The following KLHL13 variants were observed in gnomAD, a reference collection of about 807,000 sequenced individuals.
The protein encoded by KLHL13 is kelch like family member 13, also known as kelch-like protein 13.
Under a neutral mutation model 37.1 loss-of-function variants are expected in KLHL13, and 10 were observed. The ratio of observed to expected loss-of-function variants is 0.27; its 90% CI spans 0.17 to 0.46. The LOEUF is 0.46. Ranked by LOEUF, KLHL13 falls within the 20% of genes least tolerant of loss-of-function variation. The pLI, the probability that KLHL13 is intolerant of heterozygous loss-of-function variation, is 1.00. For missense variants in KLHL13, 360 were observed against 509.3 expected (o/e 0.71, Z 2.82); for synonymous variants, 163 against 181.2 (o/e 0.90, Z 0.81).
intron 1 of KLHL13, among the ~76,000 whole-genome samples, chrX:118,033,529 C>A (rs927113471): frequency 5.4e-5 from 6 of 110,467 alleles, no homozygotes; most frequent in Non-Finnish European, 7.6e-5. Flanking sequence ...ACTTTACAGA[C>A]AAGCAAATGC....
At chrX:118,020,590 C>A (rs1190820119) in intron 1 of KLHL13, among the ~76,000 whole-genome samples, 2 of 110,840 alleles carry the variant, frequency 1.8e-5, no homozygotes, top group African/African-American at 6.6e-5. Flanking sequence ...GTGGCGATTC[C>A]TCAGGGATCT....
intron 1 of KLHL13, among the ~76,000 whole-genome samples, chrX:118,102,376 G>A (rs1368516628): frequency 9.0e-6 from 1 of 111,718 alleles, no homozygotes; most frequent in African/African-American, 3.3e-5. Flanking sequence ...TATCACCATA[G>A]GATTAAGTTC....
rs754130371 is a variant in KLHL13, at chrX:118,105,892, CTTTTTT to C, written c.-56+10610_-56+10615del. Among the ~76,000 whole-genome samples, 4 of 67,059 alleles carry C rather than the reference CTTTTTT, an allele frequency of 6.0e-5. No individual in the cohort carries two copies. The East Asian group carries it at 1.2e-3, about 20-fold the overall frequency. The allele number at this position is 67,059 out of a possible 115,157, so 58.2% of individuals were successfully genotyped here. ...TTAAAGGATCCTTTGGTCTAAACAG[CTTTTTT>C]TTTTTTTTTTTTTTTTTTTTTGAGA... On this transcript the variant is annotated intron_variant, in intron 1 of 6. Coordinates refer to the KLHL13 transcript ENST00000371882.
chrX:118,025,713 C>G (rs762982608), intron 1 of KLHL13, among the ~76,000 whole-genome samples: 35 of 111,915 alleles, frequency 3.1e-4, no homozygotes, highest in African/African-American at 1.1e-3. Flanking sequence ...CCTGCACATC[C>G]TGCACATGTA....
intron 2 of KLHL13, among the ~76,000 whole-genome samples, chrX:117,925,794 A>G (rs1292185984): frequency 8.9e-6 from 1 of 111,825 alleles, no homozygotes; most frequent in Non-Finnish European, 1.9e-5. Context: ...TTGGTGATAA[A>G]AATTTTTTTT....
At chrX:118,085,995 T>C (rs1569312761) in intron 1 of KLHL13, among the ~76,000 whole-genome samples, 1 of 110,632 alleles carries the variant, frequency 9.0e-6, no homozygotes, top group African/African-American at 3.3e-5. Context: ...TGGAGTACAA[T>C]GGCACAATCT....
intron 1 of KLHL13, among the ~76,000 whole-genome samples, chrX:117,995,530 T>C (rs921168245): frequency 9.0e-6 from 1 of 111,672 alleles, no homozygotes; most frequent in African/African-American, 3.3e-5. Flanking sequence ...TTGCTGCACC[T>C]ATCAAGTAAA....
At chrX:118,089,478 T>C (rs1049249256) in intron 1 of KLHL13, among the ~76,000 whole-genome samples, 6 of 107,402 alleles carry the variant, frequency 5.6e-5, no homozygotes, top group Non-Finnish European at 7.7e-5. Flanking sequence ...CTGGCAGTAA[T>C]GAGGCAGTGC....
At chrX:117,901,649 C>T (rs148436027) in intron 6 of KLHL13, among the ~76,000 whole-genome samples, 184 bp downstream of exon 7, 136 of 109,116 alleles carry the variant, frequency 1.2e-3, no homozygotes, top group African/African-American at 4.4e-3. Context: ...GGATTACAGA[C>T]GTGCACCACC....
chrX:117,909,482 G>A (rs770336726), exon 5 of KLHL13: 13 of 1,209,464 alleles, frequency 1.1e-5, no homozygotes, highest in African/African-American at 1.1e-4. Context: ...TACTCTGTCC[G>A]CCAACCACAT....
chrX:118,036,547 A>C (rs1412455761), intron 1 of KLHL13, among the ~76,000 whole-genome samples: 1 of 112,045 alleles, frequency 8.9e-6, no homozygotes, highest in Non-Finnish European at 1.9e-5. Context: ...CATATGTAGA[A>C]AGCTGAAACT....
At chrX:117,954,958 G>A (rs1389663762) in intron 1 of KLHL13, among the ~76,000 whole-genome samples, 2 of 111,815 alleles carry the variant, frequency 1.8e-5, no homozygotes, top group Non-Finnish European at 3.8e-5. Flanking sequence ...GCTTCCAGAG[G>A]ACTTGTTAAC....
At chrX:118,094,559 G>A (rs200525426) in intron 1 of KLHL13, among the ~76,000 whole-genome samples, 10 of 110,034 alleles carry the variant, frequency 9.1e-5, no homozygotes, top group South Asian at 4.1e-4. Context: ...GATACTCCCC[G>A]AGAAGAGCAA....
rs145215098 is a variant in KLHL13, at chrX:118,081,828, A to G, written c.-56+34680T>C. Among the ~76,000 whole-genome samples the G allele has an allele frequency of 6.1e-3, 672 of 110,612 alleles. 1 individual carries two copies. The highest frequency in any genetic ancestry group is 0.019 in the Middle Eastern group (4 of 214). The stretch of plus-strand genomic sequence containing the variant: ...TTTTGTATATGAGTGAGAATATGCA[A>G]TATTTGTCTTTCCATGCCTGGCTTA... On this transcript the variant is annotated intron_variant, in intron 1 of 6. Transcript: ENST00000371882.
At chrX:118,101,559 A>C (rs1466848000) in intron 1 of KLHL13, among the ~76,000 whole-genome samples, 3 of 111,811 alleles carry the variant, frequency 2.7e-5, no homozygotes. Context: ...AAACCTTCCT[A>C]GAAGAGGTGC....
At chrX:117,996,430 C>T (rs2053854325) in intron 1 of KLHL13, among the ~76,000 whole-genome samples, 2 of 111,585 alleles carry the variant, frequency 1.8e-5, no homozygotes, top group Non-Finnish European at 3.8e-5. Flanking sequence ...ATCCATTGAT[C>T]CATACTGACC....
chrX:117,993,089 A>G (rs73595693), intron 1 of KLHL13, among the ~76,000 whole-genome samples: 3,008 of 112,193 alleles, frequency 0.027, 98 homozygotes, highest in African/African-American at 0.092. Context: ...GGAGAGCCCT[A>G]AGTGGACTAG....
At chrX:118,053,919 C>A (rs1337041137) in intron 1 of KLHL13, among the ~76,000 whole-genome samples, 2 of 96,269 alleles carry the variant, frequency 2.1e-5, no homozygotes, top group African/African-American at 7.9e-5. Flanking sequence ...TCTGAAACCA[C>A]AGAATATAAA....
chrX:118,031,396 T>G (rs1296115144), intron 1 of KLHL13, among the ~76,000 whole-genome samples: 1 of 101,623 alleles, frequency 9.8e-6, no homozygotes, highest in Non-Finnish European at 2.0e-5. Context: ...GGGATTTAAC[T>G]TTAACTAAAA....
Sources: gnomAD v4.1 joint callset for allele counts (sites outside exome capture counted in the v4.1 genomes callset) on GRCh38, gnomAD v4.1.1 for gene constraint, MANE v1.5 for transcripts, NCBI Gene and HGNC (gene_info 2026-07-23, HGNC 2026-07-21) for gene names.